Variants in SLIT3 observed in about 807,000 individuals in gnomAD.
SLIT3 encodes slit guidance ligand 3.
SLIT3 carries 68 observed loss-of-function variants against 184.0 expected under a neutral mutation model. The observed-to-expected ratio is 0.37, with a 90% CI of 0.30 to 0.45. The LOEUF (loss-of-function observed/expected upper bound fraction) is 0.45, where lower values mean the gene tolerates loss of function less well. Ranked by LOEUF, SLIT3 falls within the 20% of genes least tolerant of loss-of-function variation. The pLI, the probability that SLIT3 is intolerant of heterozygous loss-of-function variation, is 1.00. For missense variants in SLIT3, 1,707 were observed against 2,026.0 expected, an observed-to-expected ratio of 0.84 and a Z score of 3.02; for synonymous variants, 831 against 828.6, an observed-to-expected ratio of 1.00 and a Z score of -0.05.
At chr5:168,919,478 C>T (rs1176615231) in intron 4 of SLIT3, among the ~76,000 whole-genome samples, 1 of 151,866 alleles carries the variant, frequency 6.6e-6, no homozygotes, top group African/African-American at 2.4e-5. Context: ...TACTGTTAAG[C>T]AAAACAGTAA....
intron 32 of SLIT3, among the ~76,000 whole-genome samples, chr5:168,681,166 CA>C (rs1016455682): frequency 6.6e-6 from 1 of 152,146 alleles, no homozygotes; most frequent in Admixed American, 6.5e-5. Flanking sequence ...ACCCAAAAAA[CA>C]AAAAAACTTT....
At chr5:168,734,524 C>T (rs1202311040) in intron 20 of SLIT3, among the ~76,000 whole-genome samples, 1 of 152,160 alleles carries the variant, frequency 6.6e-6, no homozygotes, top group Admixed American at 6.5e-5. Flanking sequence ...ATATCAGTTC[C>T]CACACCTACC....
intron 5 of SLIT3, among the ~76,000 whole-genome samples, chr5:168,854,534 G>A (rs1354614944): frequency 6.6e-6 from 1 of 152,246 alleles, no homozygotes; most frequent in African/African-American, 2.4e-5. Flanking sequence ...TTCAATTCCA[G>A]ATCACCTAGT....
At chr5:169,243,004 A>G (rs1765456941) in intron 3 of SLIT3, among the ~76,000 whole-genome samples, 1 of 152,132 alleles carries the variant, frequency 6.6e-6, no homozygotes, top group East Asian at 1.9e-4. Context: ...CATGTCAGAC[A>G]GAAGTGGCTT....
At chr5:168,851,032 T>C (rs1192024215) in intron 5 of SLIT3, among the ~76,000 whole-genome samples, 1 of 152,160 alleles carries the variant, frequency 6.6e-6, no homozygotes, top group Non-Finnish European at 1.5e-5. Flanking sequence ...CACTTTATCA[T>C]TAAAGATAGG....
At chr5:168,884,636 T>A (rs1159711069) in intron 4 of SLIT3, among the ~76,000 whole-genome samples, 1 of 144,086 alleles carries the variant, frequency 6.9e-6, no homozygotes, top group Non-Finnish European at 1.5e-5. Flanking sequence ...CTATTATTTT[T>A]GCTTGCTATA....
chr5:169,176,782 T>G (rs531137994), intron 4 of SLIT3, among the ~76,000 whole-genome samples: 1 of 152,214 alleles, frequency 6.6e-6, no homozygotes, highest in South Asian at 2.1e-4. Context: ...CAGGTGGCAG[T>G]GGGCTGGACT....
intron 4 of SLIT3, among the ~76,000 whole-genome samples, chr5:169,167,495 C>A (rs979733442): frequency 3.1e-4 from 47 of 151,996 alleles, no homozygotes; most frequent in Non-Finnish European, 5.7e-4. Flanking sequence ...CCAGGATGGT[C>A]TCGATCTCCT....
At chr5:168,924,077 A>T (rs988029892) in intron 4 of SLIT3, among the ~76,000 whole-genome samples, 7 of 152,254 alleles carry the variant, frequency 4.6e-5, no homozygotes, top group Non-Finnish European at 8.8e-5. Flanking sequence ...ACTAGATAGA[A>T]GTCTGTACCC....
At chr5:169,100,603 G>A (rs186788321) in intron 4 of SLIT3, among the ~76,000 whole-genome samples, 1 of 152,302 alleles carries the variant, frequency 6.6e-6, no homozygotes, top group Admixed American at 6.5e-5. Flanking sequence ...GATCCTGGGG[G>A]TTGGGACAAG....
rs934027762 is a variant in SLIT3 at position 169,028,735 on chromosome 5, T to C, written c.414-145399A>G. On this transcript the variant is annotated intron_variant, in intron 4 of 35. Transcript: ENST00000519560. ...CACTAAGCTAGCTAGACTAATAACTTCTTTAATTGATGAGTAAAATCCTAC... is the reference window on the plus strand; with the variant it reads ...CACTAAGCTAGCTAGACTAATAACTCCTTTAATTGATGAGTAAAATCCTAC... 3.3e-5 allele frequency among the ~76,000 whole-genome samples: 5 copies of C among 152,310 alleles called. No homozygotes were observed. The South Asian group carries it at 6.2e-4, about 19-fold the overall frequency.
At chr5:168,945,562 T>C (rs1260379918) in intron 4 of SLIT3, among the ~76,000 whole-genome samples, 1 of 152,218 alleles carries the variant, frequency 6.6e-6, no homozygotes, top group African/African-American at 2.4e-5. Flanking sequence ...GCAAGAGAGA[T>C]GATCACACAT....
intron 4 of SLIT3, among the ~76,000 whole-genome samples, chr5:169,172,656 G>A (rs552996917): frequency 1.3e-5 from 2 of 152,134 alleles, no homozygotes; most frequent in South Asian, 2.1e-4. Context: ...CACATCCTCC[G>A]CCTCAAATAC....
At chr5:168,974,440 C>T (rs1754683154) in intron 4 of SLIT3, among the ~76,000 whole-genome samples, 1 of 152,196 alleles carries the variant, frequency 6.6e-6, no homozygotes, top group African/African-American at 2.4e-5. Flanking sequence ...TCCTGTTTGG[C>T]TTCTGAATTT....
At chr5:169,107,617 G>C (rs910941833) in intron 4 of SLIT3, among the ~76,000 whole-genome samples, 3 of 152,246 alleles carry the variant, frequency 2.0e-5, no homozygotes, top group African/African-American at 7.2e-5. Flanking sequence ...CCCCGGCCAT[G>C]CTGGGATCAC....
intron 4 of SLIT3, among the ~76,000 whole-genome samples, chr5:168,977,452 C>G (rs1025709260): frequency 1.3e-5 from 2 of 152,174 alleles, no homozygotes; most frequent in African/African-American, 4.8e-5. Context: ...GAGGAACTTC[C>G]TTTCCCTGGG....
chr5:168,816,111 A>G (rs55703034), intron 8 of SLIT3, among the ~76,000 whole-genome samples: 19,959 of 152,236 alleles, frequency 0.13, 1,740 homozygotes, highest in South Asian at 0.31. Flanking sequence ...CCACAGAAAA[A>G]GGAAGAGTTG....
intron 4 of SLIT3, among the ~76,000 whole-genome samples, chr5:169,046,184 T>A (rs912117743): frequency 6.6e-6 from 1 of 152,134 alleles, no homozygotes; most frequent in African/African-American, 2.4e-5. Flanking sequence ...GAGGTGGTAT[T>A]GCCTAGAGGG....
intron 4 of SLIT3, among the ~76,000 whole-genome samples, chr5:168,906,709 T>C (rs1761066754): frequency 6.6e-6 from 1 of 152,214 alleles, no homozygotes; most frequent in African/African-American, 2.4e-5. Flanking sequence ...TTTGTAACTC[T>C]AGATATTTCT....
Sources: gnomAD v4.1 joint callset for allele counts (sites outside exome capture counted in the v4.1 genomes callset) on GRCh38, gnomAD v4.1.1 for gene constraint, MANE v1.5 for transcripts, NCBI Gene and HGNC (gene_info 2026-07-23, HGNC 2026-07-21) for gene names.